The following BCAT1 variants were observed in gnomAD, a reference collection of about 807,000 sequenced individuals.
The protein encoded by BCAT1 is branched chain amino acid transaminase 1, also known as branched-chain-amino-acid aminotransferase, cytosolic.
In BCAT1, 48 loss-of-function variants were observed where a neutral mutation model predicts 52.4. The observed-to-expected ratio is 0.92, with a 90% CI of 0.73 to 1.16. The LOEUF is 1.16. Ranked by LOEUF, BCAT1 falls within the 50% of genes most tolerant of loss-of-function variation. The pLI is 0.00. For missense variants in BCAT1, 451 were observed against 457.1 expected (o/e 0.99, Z 0.12); for synonymous variants, 167 against 161.3 (o/e 1.04, Z -0.27).
intron 10 of BCAT1, among the ~76,000 whole-genome samples, chr12:24,822,991 CT>C (rs1214311791): frequency 6.6e-6 from 1 of 150,708 alleles, no homozygotes; most frequent in Non-Finnish European, 1.5e-5. Context: ...TACTTTTAAA[CT>C]TTTTTACATG....
chr12:24,854,636 A>T (rs1441951951), intron 5 of BCAT1, among the ~76,000 whole-genome samples: 1 of 152,186 alleles, frequency 6.6e-6, no homozygotes, highest in Non-Finnish European at 1.5e-5. Flanking sequence ...AAGATCAAAA[A>T]ATAATAATAA....
chr12:24,885,313 G>C (rs1335181133), intron 3 of BCAT1, among the ~76,000 whole-genome samples: 2 of 152,080 alleles, frequency 1.3e-5, no homozygotes, highest in Non-Finnish European at 2.9e-5. Context: ...AAAAGATACA[G>C]TACTTAGGTG....
intron 1 of BCAT1, among the ~76,000 whole-genome samples, chr12:24,916,785 G>A (rs984286026): frequency 2.6e-5 from 4 of 152,044 alleles, no homozygotes; most frequent in Admixed American, 6.5e-5. Context: ...GTGATCCACC[G>A]GCCTCGCCCT....
Position 24,818,038 on chromosome 12 carries a change from T to C in BCAT1, c.1131A>G (p.Glu377=). 6.2e-7 allele frequency: 1 copy of C among 1,613,116 alleles called. No homozygotes were observed. The highest frequency in any genetic ancestry group is 8.5e-7 in the Non-Finnish European group (1 of 1,179,382). ...SKLTDIQYGR[E]ESDWTIVLS ...ATAGCACAATTGTCCAGTCGCTCTCTTCTCTTCCATACTGCAACAAAAGCA... is the reference window on the plus strand; with the variant it reads ...ATAGCACAATTGTCCAGTCGCTCTCCTCTCTTCCATACTGCAACAAAAGCA... Residue 377 remains glutamate (E), a synonymous_variant, in exon 11 of 11, where the codon GAA becomes GAG. Transcript: ENST00000261192.
At position 24,925,764 on chromosome 12, in the gene BCAT1, A is replaced by AT. The variant is rs1194793774; in HGVS notation, c.6+23162dup. ...GCCACCATGCCTGACTGGTTTTCGT[A>AT]TTTTTTTGGTGGAGACGGGGTTTCG... On this transcript the variant is annotated intron_variant, in intron 1 of 10. Transcript: ENST00000261192. Among the ~76,000 whole-genome samples the AT allele has an allele frequency of 4.0e-5, 6 of 151,892 alleles. No individual in the cohort carries two copies. In the South Asian group the frequency reaches 1.0e-3, roughly 26 times the overall value.
At chr12:24,902,791 C>T in intron 1 of BCAT1, 11 of 1,079,956 alleles carry the variant, frequency 1.0e-5, no homozygotes, top group East Asian at 3.1e-5. Flanking sequence ...GGCAGGGATG[C>T]GGGGAAGGGA....
chr12:24,866,160 C>T (rs1053880221), intron 5 of BCAT1, among the ~76,000 whole-genome samples: 5 of 152,200 alleles, frequency 3.3e-5, no homozygotes, highest in South Asian at 4.1e-4. Flanking sequence ...TGGCAGGCCC[C>T]ACATTCGGAG....
chr12:24,837,146 A>AAGGGAGGG (rs66475442), intron 7 of BCAT1, among the ~76,000 whole-genome samples: 31 of 91,918 alleles, frequency 3.4e-4, no homozygotes, highest in South Asian at 6.8e-4. Flanking sequence ...GGAAGGAAGG[A>AAGGGAGGG]AAGTTATCTA....
At chr12:24,899,760 G>A (rs976968489) in intron 2 of BCAT1, among the ~76,000 whole-genome samples, 3 of 145,044 alleles carry the variant, frequency 2.1e-5, no homozygotes, top group East Asian at 4.1e-4. Context: ...TATGGTAAGC[G>A]AAATAAGCCA....
At chr12:24,912,006 T>C (rs1180936919) in intron 1 of BCAT1, among the ~76,000 whole-genome samples, 1 of 152,188 alleles carries the variant, frequency 6.6e-6, no homozygotes, top group Non-Finnish European at 1.5e-5. Flanking sequence ...TGGATTGCTT[T>C]GGAGAAAATT....
At chr12:24,859,347 G>A (rs529379391) in intron 5 of BCAT1, among the ~76,000 whole-genome samples, 93 of 152,298 alleles carry the variant, frequency 6.1e-4, no homozygotes, top group African/African-American at 2.1e-3. Flanking sequence ...CTTGCTGGGC[G>A]CAGTGGCTCA....
At position 24,816,976 on chromosome 12, in the gene BCAT1, T is replaced by C. The variant is rs937706166; in HGVS notation, c.*1032A>G. The stretch of plus-strand genomic sequence containing the variant: ...CATAAATACAGATGAAGCTCCTCAA[T>C]GGCCCACCACTCACCTCTTCCTGCT... On this transcript the variant is annotated 3_prime_UTR_variant, in exon 11 of 11. Coordinates refer to ENST00000261192, the MANE Select transcript of BCAT1 (RefSeq NM_005504.7). 5.8e-6 allele frequency: 1 copy of C among 172,452 alleles called. No homozygotes were observed. The highest frequency in any genetic ancestry group is 1.2e-5 in the Non-Finnish European group (1 of 82,172). The allele number at this position is 172,452 out of a possible 1,614,324, so 10.7% of individuals were successfully genotyped here. A position where few individuals can be genotyped will look rare whatever the true frequency, so the allele number is the denominator to read the frequency against.
chr12:24,880,330 A>G (rs1426615970), intron 4 of BCAT1, among the ~76,000 whole-genome samples: 1 of 152,186 alleles, frequency 6.6e-6, no homozygotes, highest in African/African-American at 2.4e-5. Flanking sequence ...GGCTGCGTGC[A>G]CTTGTAATCC....
At chr12:24,826,510 A>T (rs965762675) in intron 10 of BCAT1, among the ~76,000 whole-genome samples, 1 of 152,134 alleles carries the variant, frequency 6.6e-6, no homozygotes, top group Non-Finnish European at 1.5e-5. Context: ...CTGTTTTTAT[A>T]TCAGTACTAT....
intron 1 of BCAT1, among the ~76,000 whole-genome samples, chr12:24,932,659 G>A (rs1180093475): frequency 6.6e-6 from 1 of 152,184 alleles, no homozygotes; most frequent in Non-Finnish European, 1.5e-5. Context: ...CTTTGTTGCA[G>A]ACTGTCTCCT....
intron 10 of BCAT1, among the ~76,000 whole-genome samples, chr12:24,827,628 C>T (rs544257236): frequency 5.9e-5 from 9 of 152,228 alleles, no homozygotes; most frequent in African/African-American, 2.2e-4. Flanking sequence ...CTCGACTCTA[C>T]TAAAAATACA....
intron 1 of BCAT1, among the ~76,000 whole-genome samples, chr12:24,945,204 T>C (rs1591898266): frequency 1.3e-5 from 2 of 152,242 alleles, no homozygotes; most frequent in African/African-American, 2.4e-5. Flanking sequence ...GCGTTCACCA[T>C]TGACATTGTG....
chr12:24,880,804 A>G (rs1942468763), intron 4 of BCAT1, among the ~76,000 whole-genome samples: 1 of 150,686 alleles, frequency 6.6e-6, no homozygotes, highest in African/African-American at 2.4e-5. Context: ...AAATTGTGGA[A>G]TTGCCAAATG....
intron 3 of BCAT1, among the ~76,000 whole-genome samples, chr12:24,889,179 T>G (rs1221768954): frequency 6.6e-6 from 1 of 152,236 alleles, no homozygotes; most frequent in African/African-American, 2.4e-5. Context: ...TCTGTTTCTC[T>G]TCTGCCTATT....
Sources: gnomAD v4.1 joint callset for allele counts (sites outside exome capture counted in the v4.1 genomes callset) on GRCh38, gnomAD v4.1.1 for gene constraint, MANE v1.5 for transcripts, NCBI Gene and HGNC (gene_info 2026-07-23, HGNC 2026-07-21) for gene names.